Variants in CELF2 observed in about 807,000 individuals in gnomAD.
CELF2 encodes the protein CUGBP Elav-like family member 2, also known as CUG triplet repeat RNA-binding protein 2.
Under a neutral mutation model 62.6 loss-of-function variants are expected in CELF2, and 8 were observed. That is an observed-to-expected ratio of 0.13 (90% CI 0.07 to 0.23). The LOEUF is 0.23. Among genes scored for constraint, CELF2 ranks in the 10% least tolerant of loss-of-function variants. The pLI, the probability that CELF2 is intolerant of heterozygous loss-of-function variation, is 1.00. For missense variants in CELF2, 333 were observed against 671.0 expected (o/e 0.50, Z 5.56); for synonymous variants, 258 against 250.0 (o/e 1.03, Z -0.30).
chr10:11,262,737 A>G (rs1217460739), intron 5 of CELF2, among the ~76,000 whole-genome samples: 3 of 152,220 alleles, frequency 2.0e-5, no homozygotes, highest in African/African-American at 7.2e-5. Flanking sequence ...CTTAAAAGAT[A>G]CAAGGAAGAT....
rs866237023 is a variant in CELF2 at position 11,296,022 on chromosome 10, G to C, written c.976+7470G>C. Among the ~76,000 whole-genome samples, 4 of 152,098 alleles carry C rather than the reference G, an allele frequency of 2.6e-5. No individual in the cohort carries two copies. The highest frequency in any genetic ancestry group is 9.7e-5 in the African/African-American group (4 of 41,408). On this transcript the variant is annotated intron_variant, in intron 9 of 12. Transcript: ENST00000633077. The surrounding 1 kb of genome is among the most constrained non-coding windows in gnomAD (Gnocchi z 5.0). ...AGCTTAATAAAGCTGCGCAGCTTTG[G>C]GGGTAGAGATATTTACGGTTCACCA...
At chr10:10,954,207 TTTATTTATTA>T (rs1698318493) in intron 2 of CELF2, among the ~76,000 whole-genome samples, 1 of 134,660 alleles carries the variant, frequency 7.4e-6, no homozygotes, top group Admixed American at 8.3e-5. Flanking sequence ...AATTTGGCAA[TTTATTTATTA>T]TTATTATTAT....
intron 1 of CELF2, among the ~76,000 whole-genome samples, chr10:10,906,078 A>C (rs2063320543): frequency 6.6e-6 from 1 of 152,048 alleles, no homozygotes; most frequent in Non-Finnish European, 1.5e-5. Flanking sequence ...CTCAATAAAA[A>C]TAAAAATAAA....
chr10:11,190,325 G>A (rs869033096), intron 2 of CELF2, among the ~76,000 whole-genome samples: 2 of 151,980 alleles, frequency 1.3e-5, no homozygotes, highest in South Asian at 2.1e-4. Context: ...ATTTTGGCCC[G>A]ATGATAAAGA....
intron 9 of CELF2, among the ~76,000 whole-genome samples, chr10:11,308,697 A>G (rs549535893): frequency 1.3e-5 from 2 of 152,340 alleles, no homozygotes; most frequent in South Asian, 4.1e-4. Context: ...TTTGCAGATT[A>G]TTTCACTGGA....
chr10:10,895,020 G>C (rs912124618), intron 1 of CELF2, among the ~76,000 whole-genome samples: 1 of 152,146 alleles, frequency 6.6e-6, no homozygotes, highest in Non-Finnish European at 1.5e-5. Flanking sequence ...GCCTGGCACT[G>C]TACTGAGTGA....
At chr10:10,919,481 T>TA (rs958690970) in intron 1 of CELF2, among the ~76,000 whole-genome samples, 3 of 152,220 alleles carry the variant, frequency 2.0e-5, no homozygotes, top group Non-Finnish European at 2.9e-5. Context: ...AGCAGTTTGC[T>TA]ACTAAAAGAA....
At chr10:11,273,819 T>C (rs538622785) in intron 7 of CELF2, among the ~76,000 whole-genome samples, 1 of 152,154 alleles carries the variant, frequency 6.6e-6, no homozygotes, top group Non-Finnish European at 1.5e-5. Flanking sequence ...TCTCCCAGGC[T>C]CAAGCAATTC....
At chr10:10,667,696 A>G in the CELF2 span, among the ~76,000 whole-genome samples, 1 of 152,212 alleles carries the variant, frequency 6.6e-6, no homozygotes, top group Non-Finnish European at 1.5e-5. Flanking sequence ...CTCTCTGCGC[A>G]CACAAATACC....
At chr10:10,705,778 T>C in the CELF2 span, among the ~76,000 whole-genome samples, 6 of 152,294 alleles carry the variant, frequency 3.9e-5, no homozygotes, top group South Asian at 1.2e-3. Flanking sequence ...GGCAACCTCG[T>C]AACACAGGAG....
Position 11,288,279 on chromosome 10 carries a change from C to G in CELF2, c.842-139C>G, listed in dbSNP as rs2091832814. 8.1e-6 allele frequency: 8 copies of G among 992,848 alleles called. No individual in the cohort carries two copies. The East Asian group carries it at 1.8e-4, about 22-fold the overall frequency. 61.5% of individuals were successfully genotyped at this position (992,848 alleles called of 1,614,324 possible). A position where few individuals can be genotyped will look rare whatever the true frequency, so the allele number is the denominator to read the frequency against. ...TGGAGGAGAGGGCTGGAGAGCCCAG[C>G]TCCCACCCAGGCAGGTGACCTTGCA... is the stretch of plus-strand genomic sequence containing the variant. On this transcript the variant is annotated intron_variant, in intron 8 of 12. Transcript: ENST00000633077.
chr10:10,839,900 G>A (rs1055300676), intron 1 of CELF2, among the ~76,000 whole-genome samples: 5 of 152,118 alleles, frequency 3.3e-5, no homozygotes, highest in Non-Finnish European at 7.3e-5. Flanking sequence ...TCTGGCAACC[G>A]CTGATATATT....
At chr10:11,051,327 A>G (rs972010505) in intron 1 of CELF2, among the ~76,000 whole-genome samples, 16 of 152,234 alleles carry the variant, frequency 1.1e-4, no homozygotes, top group Non-Finnish European at 2.2e-4. Context: ...TACATGTTAA[A>G]TATTGAAAAC....
intron 1 of CELF2, among the ~76,000 whole-genome samples, chr10:11,096,978 C>G (rs2050060587): frequency 6.6e-6 from 1 of 152,130 alleles, no homozygotes; most frequent in Admixed American, 6.5e-5. Context: ...TTCCTTATGT[C>G]TTTAAATGTA....
chr10:10,639,262 T>C, the CELF2 span, among the ~76,000 whole-genome samples: 1 of 152,346 alleles, frequency 6.6e-6, no homozygotes, highest in South Asian at 2.1e-4. Flanking sequence ...ATTGTCAGCT[T>C]ATGGCTTATG....
chr10:10,643,504 C>T, the CELF2 span, among the ~76,000 whole-genome samples: 1 of 152,136 alleles, frequency 6.6e-6, no homozygotes, highest in Non-Finnish European at 1.5e-5. Context: ...TCCATTAAGC[C>T]TCTTTCCTTT....
the CELF2 span, among the ~76,000 whole-genome samples, chr10:10,556,846 T>A: frequency 2.7e-4 from 41 of 151,094 alleles, no homozygotes; most frequent in African/African-American, 9.7e-4. Flanking sequence ...GAGAAGTGTC[T>A]GTTCATGTCC....
chr10:11,139,377 G>T (rs1230938685), intron 1 of CELF2, among the ~76,000 whole-genome samples: 1 of 152,138 alleles, frequency 6.6e-6, no homozygotes. Context: ...CTAAATAGTT[G>T]AAAAGAGTGA....
chr10:10,564,821 G>A, the CELF2 span, among the ~76,000 whole-genome samples: 1 of 151,488 alleles, frequency 6.6e-6, no homozygotes, highest in South Asian at 2.1e-4. Flanking sequence ...CAAATGGAAG[G>A]CACACTCAAA....
Sources: gnomAD v4.1 joint callset for allele counts (sites outside exome capture counted in the v4.1 genomes callset) on GRCh38, gnomAD v4.1.1 for gene constraint, Gnocchi (gnomAD v3.1) non-coding constraint, MANE v1.5 for transcripts, NCBI Gene and HGNC (gene_info 2026-07-23, HGNC 2026-07-21) for gene names.